Variants in FGD5 observed in about 807,000 individuals in gnomAD.
The protein encoded by FGD5 is FYVE, RhoGEF and PH domain-containing protein 5.
A neutral mutation model predicts 133.4 loss-of-function variants in FGD5; 28 were observed. That is an observed-to-expected ratio of 0.21 (90% CI 0.16 to 0.29). FGD5 has a LOEUF of 0.29. Among genes scored for constraint, FGD5 ranks in the 10% least tolerant of loss-of-function variants. The pLI is 1.00. For synonymous variants in FGD5, 810 were observed against 776.5 expected (o/e 1.04, Z -0.72); for missense variants, 1,858 against 1,895.2 (o/e 0.98, Z 0.36).
At chr3:14,884,722 C>T (rs13080281) in intron 4 of FGD5, among the ~76,000 whole-genome samples, 112,146 of 152,068 alleles carry the variant, frequency 0.74, 41,577 homozygotes, top group African/African-American at 0.79. Flanking sequence ...ACTTAAAGAC[C>T]GGGGGTGACC....
intron 1 of FGD5, among the ~76,000 whole-genome samples, chr3:14,848,071 C>A: frequency 6.6e-6 from 1 of 152,158 alleles, no homozygotes; most frequent in African/African-American, 2.4e-5. Flanking sequence ...GCCAGGTCCT[C>A]CCCAGGGAGG....
At chr3:14,925,845 T>G (rs2038792743) in intron 17 of FGD5, among the ~76,000 whole-genome samples, 1 of 152,204 alleles carries the variant, frequency 6.6e-6, no homozygotes, top group African/African-American at 2.4e-5. Context: ...GAGGGCAGCA[T>G]CAGCATTCCC....
At chr3:14,826,498 G>T (rs2036600589) in intron 1 of FGD5, among the ~76,000 whole-genome samples, 1 of 152,220 alleles carries the variant, frequency 6.6e-6, no homozygotes, top group Non-Finnish European at 1.5e-5. Context: ...TATTGTCTAT[G>T]TGACCTAGAA....
intron 1 of FGD5, among the ~76,000 whole-genome samples, chr3:14,858,355 G>GTGGATGGATGGATGGATGGATGGA (rs61642170): frequency 7.6e-6 from 1 of 130,888 alleles, no homozygotes; most frequent in Non-Finnish European, 1.6e-5. Flanking sequence ...GGGTGGGTGG[G>GTGGATGGATGGATGGATGGATGGA]TGGATGGATG....
chr3:14,814,736 C>T (rs113284437), upstream of FGD5, among the ~76,000 whole-genome samples: 43 of 152,284 alleles, frequency 2.8e-4, no homozygotes, highest in African/African-American at 9.6e-4. Context: ...ACATCTCCAC[C>T]AGGGTGTGTA....
chr3:14,860,813 A>AAG (rs2037383268), intron 1 of FGD5, among the ~76,000 whole-genome samples: 1 of 151,574 alleles, frequency 6.6e-6, no homozygotes. Context: ...TTTTTTAAAA[A>AAG]AAAAAAATTT....
intron 11 of FGD5, among the ~76,000 whole-genome samples, chr3:14,913,324 G>C (rs1207461230): frequency 6.6e-6 from 1 of 152,140 alleles, no homozygotes; most frequent in African/African-American, 2.4e-5. Flanking sequence ...TTGTTCCATG[G>C]GACACAGGTC....
intron 2 of FGD5, among the ~76,000 whole-genome samples, chr3:14,867,197 G>A (rs1048224484): frequency 6.6e-6 from 1 of 152,110 alleles, no homozygotes; most frequent in African/African-American, 2.4e-5. Context: ...TAAACACACA[G>A]TATATTGTTT....
chr3:14,853,308 T>G (rs1389162539), intron 1 of FGD5, among the ~76,000 whole-genome samples: 2 of 152,154 alleles, frequency 1.3e-5, no homozygotes, highest in African/African-American at 4.8e-5. Context: ...GGAGCGAATG[T>G]CTGAGGGTTT....
intron 1 of FGD5, among the ~76,000 whole-genome samples, chr3:14,834,935 T>C (rs2036786382): frequency 6.6e-6 from 1 of 152,192 alleles, no homozygotes; most frequent in African/African-American, 2.4e-5. Context: ...TTATATGTGA[T>C]ATCATTAATC....
rs1031303735 is a variant in FGD5 at position 14,933,394 on chromosome 3, CT to C, written c.*228del. 1 of 563,370 alleles carries C rather than the reference CT, an allele frequency of 1.8e-6. No homozygotes were observed. The highest frequency in any genetic ancestry group is 1.9e-5 in the African/African-American group (1 of 53,406). 34.9% of individuals were successfully genotyped at this position (563,370 alleles called of 1,614,324 possible). On this transcript the variant is annotated 3_prime_UTR_variant, in exon 20 of 20. Coordinates refer to ENST00000285046, the MANE Select transcript of FGD5 (RefSeq NM_152536.4). ...CTCTCCTTTTCTGTGTTTTCCACCC[CT>C]ACCCCCACCCGCCACCCAGTAATAA... is the stretch of plus-strand genomic sequence containing the variant.
At chr3:14,839,585 A>G (rs570562081) in intron 1 of FGD5, among the ~76,000 whole-genome samples, 1 of 152,312 alleles carries the variant, frequency 6.6e-6, no homozygotes, top group East Asian at 1.9e-4. Flanking sequence ...TGGTGCTGCT[A>G]GGACAGTCCA....
Position 14,821,455 on chromosome 3 carries a change from C to T in FGD5, c.2384C>T (p.Ala795Val). 1 of 1,614,012 alleles carries T rather than the reference C, an allele frequency of 6.2e-7. No individual in the cohort carries two copies. Among genetic ancestry groups the T allele is most frequent in the East Asian group, 2.2e-5 (1 of 44,884 alleles). Residue 795 changes from alanine (A) to valine (V), a missense_variant, in exon 1 of 20, where the codon GCC becomes GTC. This residue lies in a region of FGD5 where 1,824 missense variants were observed against 1,848.9 expected (regional missense o/e 0.99). Transcript: ENST00000285046. ...ENIQIPPRRP[A>V]RAGAFTKLFE... ...ATCCAGATTCCACCCCGGAGACCTG[C>T]CAGGGCTGGCGCGTTCACGAAGCTG...
chr3:14,848,208 C>T (rs1274711256), intron 1 of FGD5, among the ~76,000 whole-genome samples: 2 of 152,168 alleles, frequency 1.3e-5, no homozygotes, highest in African/African-American at 4.8e-5. Flanking sequence ...ACCCTTTGGA[C>T]GAGGCTTTTC....
At chr3:14,838,809 T>G (rs2036864632) in intron 1 of FGD5, among the ~76,000 whole-genome samples, 1 of 152,136 alleles carries the variant, frequency 6.6e-6, no homozygotes, top group Admixed American at 6.5e-5. Context: ...TAAAACAAAG[T>G]CAGATGACAT....
At position 14,908,972 on chromosome 3, in the gene FGD5, C is replaced by CCATT. The variant is rs1300828286; in HGVS notation, c.3336+1275_3336+1278dup. Among the ~76,000 whole-genome samples the CCATT allele has an allele frequency of 5.3e-5, 7 of 132,504 alleles. No homozygotes were observed. The South Asian group carries it at 8.2e-4, about 15-fold the overall frequency. 86.9% of individuals were successfully genotyped at this position (132,504 alleles called of 152,430 possible). A position where few individuals can be genotyped will look rare whatever the true frequency, so the allele number is the denominator to read the frequency against. Reference sequence around the variant, plus strand: ...TTTATTCATTCATTCATTCATTCATCCATTCATTCATTCATTCTTTTGAGC... The same window carrying CCATT: ...TTTATTCATTCATTCATTCATTCATCCATTCATTCATTCATTCATTCTTTTGAGC... On this transcript the variant is annotated intron_variant, in intron 10 of 19. Transcript: ENST00000285046.
chr3:14,921,696 CATT>C (rs1185211253), intron 13 of FGD5, among the ~76,000 whole-genome samples: 1 of 152,198 alleles, frequency 6.6e-6, no homozygotes, highest in Non-Finnish European at 1.5e-5. Context: ...AGGGGAATAT[CATT>C]ATTCCAGTGT....
intron 1 of FGD5, among the ~76,000 whole-genome samples, chr3:14,836,189 T>C (rs1341151238): frequency 6.6e-6 from 1 of 152,180 alleles, no homozygotes; most frequent in East Asian, 1.9e-4. Flanking sequence ...ATGACCCCAG[T>C]CCTGCTCTGA....
chr3:14,898,591 A>G (rs1656415), intron 6 of FGD5, 148 bp from the exon 7 acceptor site: 35,717 of 656,394 alleles, frequency 0.054, 1,551 homozygotes, highest in East Asian at 0.17. Flanking sequence ...GGCTTCCCGC[A>G]GGAGGAGAAC....
Sources: allele counts gnomAD v4.1 joint callset (sites outside exome capture counted in the v4.1 genomes callset), GRCh38; gene constraint gnomAD v4.1.1; regional missense constraint gnomAD v4.1.1; transcripts MANE v1.5; gene names NCBI Gene and HGNC (gene_info 2026-07-23, HGNC 2026-07-21).